The following TOMM40 variants were observed in gnomAD, a reference collection of about 807,000 sequenced individuals.
TOMM40 encodes the protein translocase of outer mitochondrial membrane 40.
TOMM40 carries 9 observed loss-of-function variants against 38.4 expected under a neutral mutation model. The ratio of observed to expected loss-of-function variants is 0.23; its 90% CI spans 0.14 to 0.41. The LOEUF (loss-of-function observed/expected upper bound fraction) is 0.41. TOMM40 is among the 10% of genes least tolerant of loss of function. The pLI, the probability that TOMM40 is intolerant of heterozygous loss-of-function variation, is 1.00. For synonymous variants in TOMM40, 184 were observed against 210.0 expected (o/e 0.88, Z 1.07); for missense variants, 299 against 486.5 (o/e 0.61, Z 3.63).
chr19:44,902,811 CT>C, intron 8 of TOMM40: 1 of 535,022 alleles, frequency 1.9e-6, no homozygotes, highest in Non-Finnish European at 3.2e-6. Flanking sequence ...GTCTAGAGGG[CT>C]TTTCAGAGGG....
chr19:44,901,345 CAGG>C, intron 8 of TOMM40, 35 bp downstream of exon 8: 1 of 1,593,970 alleles, frequency 6.3e-7, no homozygotes, highest in Non-Finnish European at 8.5e-7. Flanking sequence ...GGGAAACAGG[CAGG>C]AGGTGACTCA....
chr19:44,899,178 T>C (rs1969630284), intron 5 of TOMM40, among the ~76,000 whole-genome samples: 1 of 150,642 alleles, frequency 6.6e-6, no homozygotes, highest in South Asian at 2.1e-4. Context: ...TGAAACAGGA[T>C]CTCTGTTGCC....
chr19:44,891,274 G>A lies in TOMM40; in HGVS notation c.-142G>A, dbSNP rs983328620. On this transcript the variant is annotated 5_prime_UTR_variant, in exon 1 of 9. Transcript: ENST00000426677. ...GGGTTCGGTTGCGCGTGGCGCACGG[G>A]GTGGGAGCGGAGCCCAGGCCGGGAG... The A allele has an allele frequency of 5.2e-6, 6 of 1,145,170 alleles. No individual in the cohort carries two copies. Among genetic ancestry groups the A allele is most frequent in the Non-Finnish European group, 6.5e-6 (6 of 916,164 alleles). The allele number at this position is 1,145,170 out of a possible 1,614,324, so 70.9% of individuals were successfully genotyped here. A position where few individuals can be genotyped will look rare whatever the true frequency, so the allele number is the denominator to read the frequency against.
chr19:44,898,525 C>CTTTT (rs71173106), intron 5 of TOMM40, among the ~76,000 whole-genome samples: 118 of 88,994 alleles, frequency 1.3e-3, no homozygotes, highest in African/African-American at 1.4e-3. Context: ...TTTTTTTTTT[C>CTTTT]TTTTTTTTTT....
rs749459725 is a variant in TOMM40 at position 44,892,481 on chromosome 19, T to TA, written c.342+22dup. 6 of 1,609,364 alleles carry TA rather than the reference T, an allele frequency of 3.7e-6. No homozygotes were observed. In the Admixed American group the frequency reaches 1.0e-4, roughly 27 times the overall value. ...TTCAGGTGAGCCTTCCTGGTGTCCTTACCCACCAGAGATCGTCCCCGCCGT... is the reference window on the plus strand; with the variant it reads ...TTCAGGTGAGCCTTCCTGGTGTCCTTAACCCACCAGAGATCGTCCCCGCCGT... On this transcript the variant is annotated intron_variant, in intron 2 of 8. Transcript: ENST00000426677.
intron 5 of TOMM40, among the ~76,000 whole-genome samples, chr19:44,895,772 T>A (rs977285648): frequency 6.6e-6 from 1 of 151,908 alleles, no homozygotes; most frequent in Non-Finnish European, 1.5e-5. Context: ...ATCTCGAACT[T>A]CTTACCTCAA....
chr19:44,893,061 C>T lies in TOMM40; in HGVS notation c.435+132C>T, dbSNP rs111884388. The T allele has an allele frequency of 1.8e-3, 1,223 of 684,838 alleles. 14 individuals carry two copies. In the African/African-American group the frequency reaches 0.02, roughly 11 times the overall value. 42.4% of individuals were successfully genotyped at this position (684,838 alleles called of 1,614,324 possible). A position where few individuals can be genotyped will look rare whatever the true frequency, so the allele number is the denominator to read the frequency against. On this transcript the variant is annotated intron_variant, in intron 3 of 8. Coordinates refer to ENST00000426677, the MANE Select transcript of TOMM40 (RefSeq NM_001128917.2). ...CCTGGAGATGGGGATTGCATCTCTC[C>T]GAGGTGCACTGGGACACAAATAATT...
rs749733175 is a variant in TOMM40, at chr19:44,893,950, C to G, written c.538-11C>G. The G allele has an allele frequency of 6.3e-7, 1 of 1,587,514 alleles. No homozygotes were observed. Among genetic ancestry groups the G allele is most frequent in the South Asian group, 1.1e-5 (1 of 87,382 alleles). ...GCAGGGAGCCGCCCTCACACCCCCT[C>G]CTCTCCACAGACCCAGCAGTCGAAG... On this transcript the variant is annotated splice_polypyrimidine_tract_variant and intron_variant, in intron 4 of 8. Transcript: ENST00000426677.
rs1969461206 is a variant in TOMM40, at chr19:44,891,475, G to T, written c.60G>T (p.Pro20=). 5 of 1,314,230 alleles carry T rather than the reference G, an allele frequency of 3.8e-6. No homozygotes were observed. The South Asian group carries it at 6.9e-5, about 18-fold the overall frequency. 81.4% of individuals were successfully genotyped at this position (1,314,230 alleles called of 1,614,324 possible). ...CAGGGCCGCCACCGCCGCCTGCGCC[G>T]GCCCTCGTGGGGCTGCCGCCACCTC... ...PPAGPPPPPA[P]ALVGLPPPPP... The change falls in exon 1 of 9, where the codon CCG becomes CCT. Residue 20 remains proline (P), a synonymous_variant. Transcript: ENST00000426677.
chr19:44,901,635 G>T, intron 8 of TOMM40: 1 of 476,642 alleles, frequency 2.1e-6, no homozygotes, highest in Non-Finnish European at 3.6e-6. Flanking sequence ...AACTACTGAG[G>T]CTGAGGCGGG....
intron 5 of TOMM40, among the ~76,000 whole-genome samples, chr19:44,897,419 G>C (rs1969586160): frequency 6.6e-6 from 1 of 152,024 alleles, no homozygotes; most frequent in Non-Finnish European, 1.5e-5. Context: ...GAGTGGTAAT[G>C]GTAGTGATTT....
chr19:44,898,481 T>G (rs1390351020), intron 5 of TOMM40, among the ~76,000 whole-genome samples: 2 of 151,516 alleles, frequency 1.3e-5, no homozygotes, highest in African/African-American at 4.8e-5. Context: ...CTCTTCCCCC[T>G]TCATTTCTGT....
At chr19:44,900,025 G>T (rs1969649897) in intron 5 of TOMM40, among the ~76,000 whole-genome samples, 1 of 151,876 alleles carries the variant, frequency 6.6e-6, no homozygotes, top group South Asian at 2.1e-4. Context: ...CACATTTGTG[G>T]CCTGTACCCT....
At position 44,891,382 on chromosome 19, in the gene TOMM40, C is replaced by T. The variant is rs1328714038; in HGVS notation, c.-34C>T. The T allele has an allele frequency of 2.4e-6, 3 of 1,255,720 alleles. No individual in the cohort carries two copies. The highest frequency in any genetic ancestry group is 4.3e-5 in the Admixed American group (1 of 23,366). 77.8% of individuals were successfully genotyped at this position (1,255,720 alleles called of 1,614,324 possible). A position where few individuals can be genotyped will look rare whatever the true frequency, so the allele number is the denominator to read the frequency against. The stretch of plus-strand genomic sequence containing the variant: ...GAGTCGGGGGCGCGCGGGCCCTGAC[C>T]TCTGCCCTCTGACCTCTCCCCTAGC... On this transcript the variant is annotated 5_prime_UTR_variant, in exon 1 of 9. Transcript: ENST00000426677.
intron 2 of TOMM40, 37 bp downstream of exon 2, chr19:44,892,497 TC>T (rs1382884864): frequency 6.3e-7 from 1 of 1,587,918 alleles, no homozygotes; most frequent in Admixed American, 1.7e-5. Context: ...CCAGAGATCG[TC>T]CCCGCCGTCC....
chr19:44,891,704 G>GC lies in TOMM40; in HGVS notation c.274+20dup, dbSNP rs924097006. On this transcript the variant is annotated intron_variant, in intron 1 of 8. Coordinates refer to ENST00000426677, the MANE Select transcript of TOMM40 (RefSeq NM_001128917.2). ...GAAGTGCAAGGGTGAGGGGCGAGGG[G>GC]CCCCCGCTGGGCTGCGATGGCCTGG... 1 of 1,443,546 alleles carries GC rather than the reference G, an allele frequency of 6.9e-7. No homozygotes were observed. The highest frequency in any genetic ancestry group is 1.3e-5 in the South Asian group (1 of 74,492). 89.4% of individuals were successfully genotyped at this position (1,443,546 alleles called of 1,614,324 possible).
rs35647923 is a variant in TOMM40 at position 44,894,261 on chromosome 19, CT to C, written c.643+213del. On this transcript the variant is annotated intron_variant, in intron 5 of 8. Transcript: ENST00000426677. ...CCATGAGTGGGTGAGTCAGAGCAGT[CT>C]TTTTTTTTTTTTTTTTTGAGATGGA... is the stretch of plus-strand genomic sequence containing the variant. Among the ~76,000 whole-genome samples the C allele has an allele frequency of 8.0e-4, 107 of 133,612 alleles. 1 individual carries two copies. Among genetic ancestry groups the C allele is most frequent in the East Asian group, 1.1e-3 (5 of 4,578 alleles). 87.7% of individuals were successfully genotyped at this position (133,612 alleles called of 152,430 possible). A position where few individuals can be genotyped will look rare whatever the true frequency, so the allele number is the denominator to read the frequency against.
At chr19:44,891,773 C>A in intron 1 of TOMM40, 84 bp downstream of exon 1, 1 of 1,292,616 alleles carries the variant, frequency 7.7e-7, no homozygotes, top group Non-Finnish European at 9.9e-7. Context: ...TGGGATTTGG[C>A]GCGCACCATT....
Position 44,893,895 on chromosome 19 carries a change from G to A in TOMM40, c.537+14G>A, listed in dbSNP as rs769293310. 97 of 1,611,190 alleles carry A rather than the reference G, an allele frequency of 6.0e-5. No individual in the cohort carries two copies. The highest frequency in any genetic ancestry group is 2.5e-4 in the Admixed American group (15 of 59,900). On this transcript the variant is annotated intron_variant, in intron 4 of 8. Transcript: ENST00000426677. ...ATGGCCATCCAGGTGAGTGGGGCAC[G>A]GAGGCTGCTGCTCCCCTCGGCCACC...
Sources: gnomAD v4.1 joint callset for allele counts (sites outside exome capture counted in the v4.1 genomes callset) on GRCh38, gnomAD v4.1.1 for gene constraint, MANE v1.5 for transcripts, NCBI Gene and HGNC (gene_info 2026-07-23, HGNC 2026-07-21) for gene names.